The following FSCN3 variants were observed in gnomAD, a reference collection of about 807,000 sequenced individuals.
FSCN3 encodes the protein fascin-3.
Under a neutral mutation model 53.5 loss-of-function variants are expected in FSCN3, and 43 were observed. The observed-to-expected ratio is 0.80, with a 90% CI of 0.63 to 1.04. The LOEUF (loss-of-function observed/expected upper bound fraction) is 1.04. Ranked by LOEUF, FSCN3 falls within the 50% of genes least tolerant of loss-of-function variation. FSCN3 has a pLI of 0.00. For synonymous variants in FSCN3, 235 were observed against 246.6 expected, an observed-to-expected ratio of 0.95 and a Z score of 0.44; for missense variants, 594 against 646.5, an observed-to-expected ratio of 0.92 and a Z score of 0.88.
chr7:127,598,014 A>T (rs530466300), intron 3 of FSCN3, among the ~76,000 whole-genome samples: 1 of 152,330 alleles, frequency 6.6e-6, no homozygotes, highest in East Asian at 1.9e-4. Context: ...AGTGAAGTTC[A>T]GTTTATCAAT....
chr7:127,595,577 C>T lies in FSCN3; in HGVS notation c.415C>T (p.Arg139Ter), dbSNP rs572054372. The change falls in exon 2 of 7, where the codon CGA (arginine) becomes TGA (stop). Residue 139 changes from arginine to a stop codon, truncating the protein, a stop_gained. Transcript: ENST00000265825. LOFTEE classifies it high-confidence loss of function. ...CTCAGCTTACCACATGTGGACCCCCCGACCAGCCCTCCATGTCCACGTGAT... is the reference window on the plus strand; with the variant it reads ...CTCAGCTTACCACATGTGGACCCCCTGACCAGCCCTCCATGTCCACGTGAT... ...VLSAYHMWTPRPALHVHVILY... is the reference protein window; with the variant it reads ...VLSAYHMWTP 16 of 1,614,120 alleles carry T rather than the reference C, an allele frequency of 9.9e-6. No individual in the cohort carries two copies. Among genetic ancestry groups the T allele is most frequent in the South Asian group, 5.5e-5 (5 of 91,080 alleles).
chr7:127,597,774 G>A (rs187478198), intron 3 of FSCN3, among the ~76,000 whole-genome samples: 9 of 152,232 alleles, frequency 5.9e-5, no homozygotes, highest in Admixed American at 3.3e-4. Flanking sequence ...CACCGTGCCC[G>A]TTTTCATGTG....
Position 127,598,552 on chromosome 7 carries a change from A to G in FSCN3, c.1078A>G (p.Ile360Val). 1 of 1,613,582 alleles carries G rather than the reference A, an allele frequency of 6.2e-7. No individual in the cohort carries two copies. Among genetic ancestry groups the G allele is most frequent in the Non-Finnish European group, 8.5e-7 (1 of 1,179,720 alleles). The change falls in exon 4 of 7, where the codon ATT (isoleucine) becomes GTT (valine). Residue 360 changes from isoleucine (I) to valine (V), a missense_variant. Transcript: ENST00000265825. ...GTCCTGCAGGGGGCGCTTCCTGGGC[A>G]TTGCACCCAACAGCCTGCTGATGGC... ...LQSCRGRFLG[I>V]APNSLLMANV...
intron 3 of FSCN3, among the ~76,000 whole-genome samples, chr7:127,597,043 G>A (rs1427595757): frequency 6.6e-6 from 1 of 152,266 alleles, no homozygotes; most frequent in East Asian, 1.9e-4. Flanking sequence ...ATGTTCGTGT[G>A]TCAGTAGTTC....
intron 4 of FSCN3, 110 bp downstream of exon 4, chr7:127,598,704 G>A: frequency 3.3e-6 from 3 of 922,700 alleles, no homozygotes; most frequent in South Asian, 1.6e-5. Context: ...GGTGGCTCAT[G>A]CCTGTAATCC....
At position 127,600,499 on chromosome 7, in the gene FSCN3, G is replaced by A. The variant is rs557976681; in HGVS notation, c.*100G>A. ...AGGCATGTGATGGGAAGACCAAAATGCACTCCCAGGCTGACTTCTGTCCCA... is the reference window on the plus strand; with the variant it reads ...AGGCATGTGATGGGAAGACCAAAATACACTCCCAGGCTGACTTCTGTCCCA... On this transcript the variant is annotated intron_variant, in intron 6 of 6. Coordinates refer to ENST00000265825, the MANE Select transcript of FSCN3 (RefSeq NM_020369.3). 1.0e-5 allele frequency: 7 copies of A among 671,608 alleles called. No homozygotes were observed. The African/African-American group carries it at 1.1e-4, about 10-fold the overall frequency. 41.6% of individuals were successfully genotyped at this position (671,608 alleles called of 1,614,324 possible).
chr7:127,599,242 G>T (rs1794434112), intron 4 of FSCN3, 139 bp from the exon 5 acceptor site: 1 of 685,630 alleles, frequency 1.5e-6, no homozygotes, highest in Non-Finnish European at 2.6e-6. Flanking sequence ...CCTAGCATAA[G>T]ACCTGACACA....
chr7:127,599,499 G>A lies in FSCN3; in HGVS notation c.1239G>A (p.Gln413=). 2 of 1,614,154 alleles carry A rather than the reference G, an allele frequency of 1.2e-6. No homozygotes were observed. The highest frequency in any genetic ancestry group is 1.7e-6 in the Non-Finnish European group (2 of 1,180,032). The change falls in exon 5 of 7, where the codon CAG becomes CAA. Residue 413 remains glutamine (Q), a synonymous_variant. Coordinates refer to ENST00000265825, the MANE Select transcript of FSCN3 (RefSeq NM_020369.3). ...ACCTCATACAGTGCAACCAGGATCA[G>A]CCCGACCGCATTCATCTACTACCCT... ...GHDLIQCNQD[Q]PDRIHLLPCR...
chr7:127,595,273 C>G, intron 1 of FSCN3, 34 bp from the exon 2 acceptor site: 1 of 1,566,936 alleles, frequency 6.4e-7, no homozygotes, highest in Non-Finnish European at 8.7e-7. Flanking sequence ...CTTCGTGATA[C>G]TGATTTCCCT....
Position 127,595,682 on chromosome 7 carries a change from T to A in FSCN3, c.520T>A (p.Cys174Ser). Reference sequence around the variant, plus strand: ...CATCTGGGTGGACGCAGCAGTTCCCTGCCTGGAGGAGTGTGGCTTCCTGTT... The same window carrying A: ...CATCTGGGTGGACGCAGCAGTTCCCAGCCTGGAGGAGTGTGGCTTCCTGTT... ...GRIWVDAAVP[C>S]LEECGFLLHF... Residue 174 changes from cysteine to serine, a missense_variant, in exon 2 of 7, where the codon TGC becomes AGC. Cys to Ser is a moderately radical substitution (Grantham distance 112, BLOSUM62 -1). Coordinates refer to ENST00000265825, the MANE Select transcript of FSCN3 (RefSeq NM_020369.3). 1 of 1,614,110 alleles carries A rather than the reference T, an allele frequency of 6.2e-7. No individual in the cohort carries two copies. The highest frequency in any genetic ancestry group is 8.5e-7 in the Non-Finnish European group (1 of 1,179,910).
At chr7:127,594,311 A>G (rs1338159841) in intron 1 of FSCN3, among the ~76,000 whole-genome samples, 1 of 150,398 alleles carries the variant, frequency 6.6e-6, no homozygotes, top group Non-Finnish European at 1.5e-5. Flanking sequence ...AGCAGGGTGT[A>G]CTCTCAACCT....
intron 1 of FSCN3, chr7:127,594,441 G>A (rs148897911): frequency 2.1e-4 from 99 of 469,996 alleles, no homozygotes; most frequent in Admixed American, 5.4e-4. Flanking sequence ...TGAAGCCTCA[G>A]CCTTGCCCTT....
Position 127,598,438 on chromosome 7 carries a change from C to T in FSCN3, c.964C>T (p.Arg322Cys), listed in dbSNP as rs747458889. 1.9e-5 allele frequency: 31 copies of T among 1,613,168 alleles called. No individual in the cohort carries two copies. Among genetic ancestry groups the T allele is most frequent in the African/African-American group, 4.0e-5 (3 of 74,920 alleles). ...CTGTTTCTGACATTCTTTCCAGAGG[C>T]GCCACAGGGCAGTAATGGCTGATGG... ...SANGYYLSQR[R>C]HRAVMADGHP... The change falls in exon 4 of 7, where the codon CGC becomes TGC. Residue 322 changes from arginine (R) to cysteine (C), a missense_variant. Physicochemically the swap from Arg to Cys is radical, Grantham distance 180. Transcript: ENST00000265825.
chr7:127,595,000 TGAA>T, intron 1 of FSCN3: 1 of 512,502 alleles, frequency 2.0e-6, no homozygotes, highest in Non-Finnish European at 3.6e-6. Flanking sequence ...AATTAGGTAT[TGAA>T]GAGTGGGATT....
At chr7:127,596,578 C>A in intron 3 of FSCN3, 132 bp downstream of exon 3, 1 of 471,832 alleles carries the variant, frequency 2.1e-6, no homozygotes, top group Non-Finnish European at 3.8e-6. Context: ...GATAAACATT[C>A]ATTTTCACCC....
chr7:127,600,737 C>G (rs145746398), intron 6 of FSCN3, among the ~76,000 whole-genome samples: 1 of 152,096 alleles, frequency 6.6e-6, no homozygotes. Flanking sequence ...TTAGGGAAAA[C>G]GGATGACTTT....
At position 127,598,472 on chromosome 7, in the gene FSCN3, T is replaced by C. The variant is rs1794423648; in HGVS notation, c.998T>C (p.Leu333Pro). 1 of 1,614,066 alleles carries C rather than the reference T, an allele frequency of 6.2e-7. No homozygotes were observed. Among genetic ancestry groups the C allele is most frequent in the Non-Finnish European group, 8.5e-7 (1 of 1,179,950 alleles). ...GCAGTAATGGCTGATGGGCACCCCC[T>C]GGAGTCTGACACGTTCTTCCGAATG... is the stretch of plus-strand genomic sequence containing the variant. ...HRAVMADGHP[L>P]ESDTFFRMHW... is the part of the protein sequence containing the mutation. The change falls in exon 4 of 7, where the codon CTG becomes CCG. Residue 333 changes from leucine to proline, a missense_variant. By Grantham distance (98) the Leu-to-Pro change is moderately conservative. Coordinates refer to ENST00000265825, the MANE Select transcript of FSCN3 (RefSeq NM_020369.3).
At chr7:127,596,621 A>G (rs761840710) in intron 3 of FSCN3, 175 bp downstream of exon 3, 1 of 404,722 alleles carries the variant, frequency 2.5e-6, no homozygotes, top group Non-Finnish European at 4.4e-6. Flanking sequence ...AAAAACAAAA[A>G]TCAACTTTAT....
Position 127,595,420 on chromosome 7 carries a change from C to T in FSCN3, c.258C>T (p.Arg86=). 1 of 1,614,188 alleles carries T rather than the reference C, an allele frequency of 6.2e-7. No individual in the cohort carries two copies. Among genetic ancestry groups the T allele is most frequent in the Non-Finnish European group, 8.5e-7 (1 of 1,180,028 alleles). The part of the protein sequence containing the change: ...CECDGTVCYG[R]PRTSHHGCFL... ...GTGATGGCACCGTGTGTTATGGCCG[C>T]CCAAGGACCAGCCACCATGGGTGCT... The change falls in exon 2 of 7, where the codon CGC becomes CGT. Residue 86 remains arginine (R), a synonymous_variant. Coordinates refer to ENST00000265825, the MANE Select transcript of FSCN3 (RefSeq NM_020369.3).
Sources: allele counts gnomAD v4.1 joint callset (sites outside exome capture counted in the v4.1 genomes callset), GRCh38; gene constraint gnomAD v4.1.1; transcripts MANE v1.5; gene names NCBI Gene and HGNC (gene_info 2026-07-23, HGNC 2026-07-21).